Variants in GPC5 observed in about 807,000 individuals in gnomAD.
GPC5 encodes glypican-5.
Under a neutral mutation model 53.9 loss-of-function variants are expected in GPC5, and 47 were observed. That is an observed-to-expected ratio of 0.87 (90% CI 0.69 to 1.11). The LOEUF is 1.11. GPC5 is among the 50% of genes most tolerant of loss of function. The pLI is 0.00. For missense variants in GPC5, 748 were observed against 713.1 expected (o/e 1.05, Z -0.56); for synonymous variants, 286 against 263.3 (o/e 1.09, Z -0.84).
rs1337254496 is a variant in GPC5 at position 91,693,250 on chromosome 13, A to C, written c.389A>C (p.Tyr130Ser). The C allele has an allele frequency of 1.2e-6, 2 of 1,614,120 alleles. No individual in the cohort carries two copies. Among genetic ancestry groups the C allele is most frequent in the South Asian group, 2.2e-5 (2 of 91,084 alleles). Residue 130 changes from tyrosine (Y) to serine (S), a missense_variant, in exon 3 of 8, where the codon TAC (tyrosine) becomes TCC (serine). Transcript: ENST00000377067. ...NYTSILFCST[Y>S]RNMALEAAAS... The stretch of plus-strand genomic sequence containing the variant: ...ACCAGTATACTTTTTTGCAGTACCT[A>C]CAGGAACATGGCCTTGGAGGCTGCT...
intron 7 of GPC5, among the ~76,000 whole-genome samples, chr13:92,617,876 T>C (rs1305651295): frequency 6.6e-6 from 1 of 152,178 alleles, no homozygotes; most frequent in Non-Finnish European, 1.5e-5. Flanking sequence ...AAGGTACATG[T>C]GCACAACGTG....
chr13:91,573,654 A>G (rs551541927), intron 2 of GPC5, among the ~76,000 whole-genome samples: 95 of 152,218 alleles, frequency 6.2e-4, no homozygotes, highest in Middle Eastern at 3.4e-3. Flanking sequence ...TTATATTGAT[A>G]ATTTTTTCTA....
chr13:91,688,814 C>T (rs559219569), intron 2 of GPC5, among the ~76,000 whole-genome samples: 2 of 152,004 alleles, frequency 1.3e-5, no homozygotes, highest in East Asian at 1.9e-4. Context: ...ATACTCTAGG[C>T]GTTTGTAATG....
At chr13:92,401,445 T>C (rs976842822) in intron 7 of GPC5, among the ~76,000 whole-genome samples, 2 of 152,078 alleles carry the variant, frequency 1.3e-5, no homozygotes, top group Non-Finnish European at 2.9e-5. Flanking sequence ...TGGATTACTA[T>C]CCAGCAATAT....
intron 7 of GPC5, among the ~76,000 whole-genome samples, chr13:92,624,567 G>A (rs1884985868): frequency 6.6e-6 from 1 of 152,192 alleles, no homozygotes; most frequent in Admixed American, 6.5e-5. Flanking sequence ...GGCAGAAGAT[G>A]AGACAGTTCT....
intron 7 of GPC5, among the ~76,000 whole-genome samples, chr13:92,522,210 C>T (rs1566273897): frequency 1.3e-5 from 2 of 152,092 alleles, no homozygotes; most frequent in Admixed American, 1.3e-4. Context: ...GACAGTGTGG[C>T]GATTCCTCAG....
At chr13:92,281,266 G>A (rs1230314223) in intron 7 of GPC5, among the ~76,000 whole-genome samples, 2 of 152,176 alleles carry the variant, frequency 1.3e-5, no homozygotes, top group African/African-American at 2.4e-5. Context: ...GAACTGGGTG[G>A]AGCCCACCAC....
chr13:91,456,597 A>G (rs1186378500), intron 2 of GPC5, among the ~76,000 whole-genome samples: 1 of 152,002 alleles, frequency 6.6e-6, no homozygotes, highest in East Asian at 1.9e-4. Context: ...TTTCTAATTA[A>G]TGTGTGAAAA....
intron 7 of GPC5, among the ~76,000 whole-genome samples, chr13:92,517,492 C>A (rs1309139019): frequency 6.6e-6 from 1 of 152,162 alleles, no homozygotes; most frequent in Non-Finnish European, 1.5e-5. Context: ...ATGAAGCTTC[C>A]AGAGGAACGA....
At chr13:92,049,575 T>C (rs1390335684) in intron 6 of GPC5, among the ~76,000 whole-genome samples, 1 of 152,150 alleles carries the variant, frequency 6.6e-6, no homozygotes, top group African/African-American at 2.4e-5. Context: ...ATTATTCATA[T>C]TGATGATTAA....
At chr13:92,128,674 A>C (rs1304330582) in intron 6 of GPC5, among the ~76,000 whole-genome samples, 1 of 152,204 alleles carries the variant, frequency 6.6e-6, no homozygotes, top group Non-Finnish European at 1.5e-5. Flanking sequence ...TAATTTAAGA[A>C]GTAATCCTGG....
chr13:91,770,798 A>T (rs1262900091), intron 5 of GPC5, among the ~76,000 whole-genome samples: 4 of 151,882 alleles, frequency 2.6e-5, no homozygotes, highest in Admixed American at 2.0e-4. Context: ...TGAATGCTTT[A>T]TGAAGGGTAA....
chr13:92,725,583 C>G (rs1888621165), intron 7 of GPC5, among the ~76,000 whole-genome samples: 1 of 151,530 alleles, frequency 6.6e-6, no homozygotes, highest in African/African-American at 2.4e-5. Context: ...GAAATTGGAA[C>G]TATTTTTAAC....
At chr13:91,791,577 A>G (rs1006608094) in intron 5 of GPC5, among the ~76,000 whole-genome samples, 8 of 152,114 alleles carry the variant, frequency 5.3e-5, no homozygotes, top group African/African-American at 1.7e-4. Flanking sequence ...CCATTCTCAT[A>G]TTTCTGCCCA....
chr13:91,667,659 T>A (rs2035148629), intron 2 of GPC5, among the ~76,000 whole-genome samples: 1 of 152,188 alleles, frequency 6.6e-6, no homozygotes, highest in African/African-American at 2.4e-5. Context: ...TCTGAATGTA[T>A]GACCAAAGCA....
intron 7 of GPC5, among the ~76,000 whole-genome samples, chr13:92,660,238 A>AT (rs1414318545): frequency 6.6e-6 from 1 of 151,972 alleles, no homozygotes; most frequent in African/African-American, 2.4e-5. Context: ...TATTTCATTC[A>AT]TTTTGGATGC....
intron 7 of GPC5, among the ~76,000 whole-genome samples, chr13:92,740,134 C>T (rs1227930054): frequency 1.3e-5 from 2 of 151,958 alleles, no homozygotes; most frequent in African/African-American, 4.8e-5. Flanking sequence ...CCTCCCTTCT[C>T]GGGGCATTTG....
chr13:92,031,274 T>C lies in GPC5; in HGVS notation c.1402-113556T>C, dbSNP rs2040839342. On this transcript the variant is annotated intron_variant, in intron 6 of 7. Coordinates refer to ENST00000377067, the MANE Select transcript of GPC5 (RefSeq NM_004466.6). Reference sequence around the variant, plus strand: ...CTTATGCTTCATTACCATCTTCCTGTCTTTGAATACCAAACGTCTACTTCC... The same window carrying C: ...CTTATGCTTCATTACCATCTTCCTGCCTTTGAATACCAAACGTCTACTTCC... 2.6e-5 allele frequency among the ~76,000 whole-genome samples: 4 copies of C among 152,256 alleles called. No homozygotes were observed. In the South Asian group the frequency reaches 8.3e-4, roughly 32 times the overall value.
rs1490956124 is a variant in GPC5, at chr13:92,525,269, G to A, written c.1562-341013G>A. Among the ~76,000 whole-genome samples, 4 of 152,186 alleles carry A rather than the reference G, an allele frequency of 2.6e-5. No individual in the cohort carries two copies. In the East Asian group the frequency reaches 7.7e-4, roughly 29 times the overall value. ...TGTTTAATGGAATCTACACAGTGGA[G>A]AGATTTTGCGCTGTTTATCATAGTA... On this transcript the variant is annotated intron_variant, in intron 7 of 7. Coordinates refer to ENST00000377067, the MANE Select transcript of GPC5 (RefSeq NM_004466.6).
Sources: gnomAD v4.1 joint callset for allele counts (sites outside exome capture counted in the v4.1 genomes callset) on GRCh38, gnomAD v4.1.1 for gene constraint, MANE v1.5 for transcripts, NCBI Gene and HGNC (gene_info 2026-07-23, HGNC 2026-07-21) for gene names.